RPTN: variants seen among roughly 807,000 people sequenced by gnomAD.
RPTN encodes intermediate filament-associated protein.
A neutral mutation model predicts 3.6 loss-of-function variants in RPTN; 4 were observed. The observed-to-expected ratio is 1.12, with a 90% confidence interval of 0.55 to 2.55. The LOEUF (loss-of-function observed/expected upper bound fraction) is 2.55, where lower values mean the gene tolerates loss of function less well. RPTN is among the 30% of genes most tolerant of loss of function. The pLI is 0.02. For missense variants in RPTN, 860 were observed against 916.7 expected (o/e 0.94, Z 0.80); for synonymous variants, 293 against 319.3 (o/e 0.92, Z 0.88).
Position 152,154,152 on chromosome 1 carries a change from A to C in RPTN, c.*592T>G, listed in dbSNP as rs1659143638. ...GAGGGCAAAGCAGGAAATGATTTAA[A>C]TACCCAAACTGATCAACATTAAGAT... On this transcript the variant is annotated 3_prime_UTR_variant, in exon 3 of 3. Transcript: ENST00000316073. The C allele has an allele frequency of 6.5e-6, 1 of 154,838 alleles. No individual in the cohort carries two copies. Among genetic ancestry groups the C allele is most frequent in the Admixed American group, 6.3e-5 (1 of 15,926 alleles). The allele number at this position is 154,838 out of a possible 1,614,324, so 9.6% of individuals were successfully genotyped here.
rs748960187 is a variant in RPTN at position 152,155,279 on chromosome 1, G to T, written c.1820C>A (p.Ala607Asp). 6.2e-7 allele frequency: 1 copy of T among 1,614,178 alleles called. No individual in the cohort carries two copies. Among genetic ancestry groups the T allele is most frequent in the Non-Finnish European group, 8.5e-7 (1 of 1,180,034 alleles). The change falls in exon 3 of 3, where the codon GCC becomes GAC. Residue 607 changes from alanine (A) to aspartate (D), a missense_variant. Physicochemically the swap from Ala to Asp is moderately radical, Grantham distance 126. Transcript: ENST00000316073. ...YFQGTEGTRK[A>D]SYVEQSGRSG... ...TCTTCCTGATTGTTCAACATAAGAG[G>T]CTTTTCTTGTTCCTTCAGTCCCTTG...
chr1:152,154,827 C>T lies in RPTN; in HGVS notation c.2272G>A (p.Asp758Asn). Residue 758 changes from aspartate to asparagine, a missense_variant, in exon 3 of 3, where the codon GAC (aspartate) becomes AAC (asparagine). Transcript: ENST00000316073. ...HEHEQSHQRRDRQTHEDKQNR... is the reference protein window; with the variant it reads ...HEHEQSHQRRNRQTHEDKQNR... ...TGCTTGTCTTCATGGGTTTGCCTGT[C>T]TCGTCTCTGATGGCTCTGCTCATGT... 6.2e-7 allele frequency: 1 copy of T among 1,613,780 alleles called. No homozygotes were observed. Among genetic ancestry groups the T allele is most frequent in the East Asian group, 2.2e-5 (1 of 44,862 alleles).
At position 152,155,511 on chromosome 1, in the gene RPTN, C is replaced by G. The variant is rs771163982; in HGVS notation, c.1588G>C (p.Gly530Arg). 1 of 1,608,970 alleles carries G rather than the reference C, an allele frequency of 6.2e-7. No individual in the cohort carries two copies. ...ATCTGACTGTAGTGGGAACTCTGGCCTTGTCTGTCTGGCTGACCATAGTGG... is the reference window on the plus strand; with the variant it reads ...ATCTGACTGTAGTGGGAACTCTGGCGTTGTCTGTCTGGCTGACCATAGTGG... The part of the protein sequence containing the change: ...SFHYGQPDRQ[G>R]QSSHYSQMDR... Residue 530 changes from glycine (G) to arginine (R), a missense_variant, in exon 3 of 3, where the codon GGC becomes CGC. Gly to Arg is a moderately radical substitution (Grantham distance 125). Coordinates refer to ENST00000316073, the MANE Select transcript of RPTN (RefSeq NM_001122965.1).
Position 152,157,793 on chromosome 1 carries a change from A to G in RPTN, c.97T>C (p.Leu33=). The stretch of plus-strand genomic sequence containing the variant: ...AACTCAGCCAAGAGCAGTTGTTTCA[A>G]CTCTTCCTTGCATAGTAAGGCACAG... ...GDCALLCKEE[L]KQLLLAEFGD... Residue 33 remains leucine, a synonymous_variant, in exon 2 of 3, where the codon TTG becomes CTG. Transcript: ENST00000316073. 2 of 1,613,712 alleles carry G rather than the reference A, an allele frequency of 1.2e-6. No individual in the cohort carries two copies. The highest frequency in any genetic ancestry group is 1.7e-6 in the Non-Finnish European group (2 of 1,179,900).
Position 152,157,871 on chromosome 1 carries a change from T to G in RPTN, c.19A>C (p.Ser7Arg), listed in dbSNP as rs1659238840. The G allele has an allele frequency of 6.2e-7, 1 of 1,613,878 alleles. No homozygotes were observed. The highest frequency in any genetic ancestry group is 1.1e-5 in the South Asian group (1 of 91,080). ...AATACGTCAATCACACTGAGTATGC[T>G]ATTCAGGAGTTGAGCCATTTTGACA... is the stretch of plus-strand genomic sequence containing the variant. MAQLLN[S>R]ILSVIDVFHK... Residue 7 changes from serine to arginine, a missense_variant, in exon 2 of 3, where the codon AGC (serine) becomes CGC (arginine). Coordinates refer to ENST00000316073, the MANE Select transcript of RPTN (RefSeq NM_001122965.1).
Position 152,155,296 on chromosome 1 carries a change from A to G in RPTN, c.1803T>C (p.Thr601=). 1.2e-6 allele frequency: 2 copies of G among 1,614,172 alleles called. No homozygotes were observed. Among genetic ancestry groups the G allele is most frequent in the South Asian group, 1.1e-5 (1 of 91,078 alleles). ...CATAAGAGGCTTTTCTTGTTCCTTC[A>G]GTCCCTTGGAAGTACTTATTTTGCC... ...IQGQNKYFQG[T]EGTRKASYVE... Residue 601 remains threonine, a synonymous_variant, in exon 3 of 3, where the codon ACT becomes ACC. Coordinates refer to ENST00000316073, the MANE Select transcript of RPTN (RefSeq NM_001122965.1).
At position 152,156,884 on chromosome 1, in the gene RPTN, T is replaced by C. The variant is rs763294350; in HGVS notation, c.215A>G (p.His72Arg). ...CTGGAACACCAACAAGAGGTACTCA[T>C]GAAAATCAATATGTCCATCTCGGTC... is the stretch of plus-strand genomic sequence containing the variant. ...DQDRDGHIDF[H>R]EYLLLVFQLV... The change falls in exon 3 of 3, where the codon CAT becomes CGT. Residue 72 changes from histidine to arginine, a missense_variant. Physicochemically the swap from His to Arg is conservative, Grantham distance 29. Coordinates refer to ENST00000316073, the MANE Select transcript of RPTN (RefSeq NM_001122965.1). 2.5e-6 allele frequency: 4 copies of C among 1,614,212 alleles called. No individual in the cohort carries two copies. The highest frequency in any genetic ancestry group is 1.1e-5 in the South Asian group (1 of 91,078).
Position 152,154,504 on chromosome 1 carries a change from T to C in RPTN, c.*240A>G. 1.6e-6 allele frequency: 1 copy of C among 607,990 alleles called. No homozygotes were observed. The highest frequency in any genetic ancestry group is 2.9e-5 in the East Asian group (1 of 34,912). 37.7% of individuals were successfully genotyped at this position (607,990 alleles called of 1,614,324 possible). On this transcript the variant is annotated 3_prime_UTR_variant, in exon 3 of 3. Transcript: ENST00000316073. ...CTCCCTTGGCAGGGTGACCACGCTG[T>C]TCTCTGGTTTGGGGCCTCCCACTGC...
chr1:152,155,956 C>T lies in RPTN; in HGVS notation c.1143G>A (p.Gln381=). The T allele has an allele frequency of 6.2e-7, 1 of 1,614,000 alleles. No individual in the cohort carries two copies. ...NRQGQSSHYG[Q]PDTQDQSSHY... is the part of the protein sequence containing the mutation. Reference sequence around the variant, plus strand: ...GAGAACTCTGATCTTGTGTGTCTGGCTGACCATAGTGGGAACTCTGACCTT... The same window carrying T: ...GAGAACTCTGATCTTGTGTGTCTGGTTGACCATAGTGGGAACTCTGACCTT... Residue 381 remains glutamine, a synonymous_variant, in exon 3 of 3, where the codon CAG becomes CAA. Coordinates refer to ENST00000316073, the MANE Select transcript of RPTN (RefSeq NM_001122965.1).
Position 152,156,520 on chromosome 1 carries a change from G to C in RPTN, c.579C>G (p.Ser193Arg), listed in dbSNP as rs1171027593. The C allele has an allele frequency of 6.2e-7, 1 of 1,614,204 alleles. No individual in the cohort carries two copies. ...NQSERQDKDFSFDQSERQSQD... is the reference protein window; with the variant it reads ...NQSERQDKDFRFDQSERQSQD... ...GACTTTGTCTCTCTGACTGATCAAA[G>C]CTGAAATCCTTGTCTTGTCTCTCAG... Residue 193 changes from serine to arginine, a missense_variant, in exon 3 of 3, where the codon AGC becomes AGG. Transcript: ENST00000316073.
chr1:152,156,288 A>G lies in RPTN; in HGVS notation c.811T>C (p.Cys271Arg), dbSNP rs1288322683. The G allele has an allele frequency of 8.7e-6, 14 of 1,614,122 alleles. No homozygotes were observed. The highest frequency in any genetic ancestry group is 1.2e-5 in the Non-Finnish European group (14 of 1,180,052). ...QTNQQKSGSYCGQSERLGQEL... is the reference protein window; with the variant it reads ...QTNQQKSGSYRGQSERLGQEL... Reference sequence around the variant, plus strand: ...TGACCTAGCCTCTCAGACTGTCCACAATAAGAGCCTGATTTCTGTTGATTT... The same window carrying G: ...TGACCTAGCCTCTCAGACTGTCCACGATAAGAGCCTGATTTCTGTTGATTT... The change falls in exon 3 of 3, where the codon TGT becomes CGT. Residue 271 changes from cysteine (C) to arginine (R), a missense_variant. Physicochemically the swap from Cys to Arg is radical, Grantham distance 180. Transcript: ENST00000316073.
At position 152,157,851 on chromosome 1, in the gene RPTN, G is replaced by C; in HGVS notation, c.39C>G (p.Asp13Glu). 6.2e-7 allele frequency: 1 copy of C among 1,613,782 alleles called. No homozygotes were observed. The highest frequency in any genetic ancestry group is 1.3e-5 in the African/African-American group (1 of 75,000). The part of the protein sequence containing the change: ...QLLNSILSVI[D>E]VFHKYAKGNG... ...TCCCTTTGGCATATTTGTGGAATAC[G>C]TCAATCACACTGAGTATGCTATTCA... Residue 13 changes from aspartate to glutamate, a missense_variant, in exon 2 of 3, where the codon GAC becomes GAG. By Grantham distance (45) the Asp-to-Glu change is conservative. Coordinates refer to ENST00000316073, the MANE Select transcript of RPTN (RefSeq NM_001122965.1).
Position 152,157,857 on chromosome 1 carries a change from CACA to C in RPTN, c.30_32del (p.Ser10_Val11delinsArg). 2 of 1,613,896 alleles carry C rather than the reference CACA, an allele frequency of 1.2e-6. No homozygotes were observed. The highest frequency in any genetic ancestry group is 1.7e-6 in the Non-Finnish European group (2 of 1,179,856). On this transcript the variant is annotated inframe_deletion, in exon 2 of 3. Transcript: ENST00000316073. ...TGGCATATTTGTGGAATACGTCAAT[CACA>C]CTGAGTATGCTATTCAGGAGTTGAG...
chr1:152,155,882 G>C lies in RPTN; in HGVS notation c.1217C>G (p.Thr406Arg). ...GTGGGAACTCTGGCCTTGTCTCTCTGTCTGACCATAGTGAGAACTTTGGTC... is the reference window on the plus strand; with the variant it reads ...GTGGGAACTCTGGCCTTGTCTCTCTCTCTGACCATAGTGAGAACTTTGGTC... ...RQDQSSHYGQ[T>R]ERQGQSSHYS... Residue 406 changes from threonine (T) to arginine (R), a missense_variant, in exon 3 of 3, where the codon ACA becomes AGA. Transcript: ENST00000316073. 1 of 1,613,762 alleles carries C rather than the reference G, an allele frequency of 6.2e-7. No homozygotes were observed. Among genetic ancestry groups the C allele is most frequent in the Non-Finnish European group, 8.5e-7 (1 of 1,179,972 alleles).
At chr1:152,157,078 C>T (rs1659220821) in intron 2 of RPTN, 118 bp from the exon 3 acceptor site, 3 of 857,978 alleles carry the variant, frequency 3.5e-6, no homozygotes, top group Non-Finnish European at 5.4e-6. Flanking sequence ...GGTTGAAAAA[C>T]CATTAATCTG....
In RPTN at chr1:152,155,344, T is replaced by C. The variant is rs374552571; in HGVS notation, c.1755A>G (p.Gln585=). 6.2e-6 allele frequency: 10 copies of C among 1,614,136 alleles called. No homozygotes were observed. In the East Asian group the frequency reaches 1.1e-4, roughly 18 times the overall value. ...GCCCTTGTATTTCCCCAGTCTGTGA[T>C]TGAATATAGTGGGAACTCTGGCCTT... is the stretch of plus-strand genomic sequence containing the variant. ...DRQGQSSHYI[Q]SQTGEIQGQN... Residue 585 remains glutamine, a synonymous_variant, in exon 3 of 3, where the codon CAA becomes CAG. Transcript: ENST00000316073.
chr1:152,154,392 G>T lies in RPTN; in HGVS notation c.*352C>A. On this transcript the variant is annotated 3_prime_UTR_variant, in exon 3 of 3. Transcript: ENST00000316073. Reference sequence around the variant, plus strand: ...ATATAGGTTTCTTTTTTGGCTTTGTGTTGCTTTACCTCTGGTGCTCACATA... The same window carrying T: ...ATATAGGTTTCTTTTTTGGCTTTGTTTTGCTTTACCTCTGGTGCTCACATA... 3.3e-6 allele frequency: 1 copy of T among 304,040 alleles called. No individual in the cohort carries two copies. Among genetic ancestry groups the T allele is most frequent in the Non-Finnish European group, 6.0e-6 (1 of 165,670 alleles). 18.8% of individuals were successfully genotyped at this position (304,040 alleles called of 1,614,324 possible). A position where few individuals can be genotyped will look rare whatever the true frequency, so the allele number is the denominator to read the frequency against.
chr1:152,156,171 T>G lies in RPTN; in HGVS notation c.928A>C (p.Thr310Pro), dbSNP rs1422378076. ...TGGGAACTCTGGCCTTGTCTGTCTGTCTGACCATAATGATAACTCTGGTCT... is the reference window on the plus strand; with the variant it reads ...TGGGAACTCTGGCCTTGTCTGTCTGGCTGACCATAATGATAACTCTGGTCT... ...RQDQSYHYGQ[T>P]DRQGQSSHYS... Residue 310 changes from threonine to proline, a missense_variant, in exon 3 of 3, where the codon ACA becomes CCA. Thr to Pro is a conservative substitution (Grantham distance 38, BLOSUM62 -1). Coordinates refer to ENST00000316073, the MANE Select transcript of RPTN (RefSeq NM_001122965.1). 6.2e-7 allele frequency: 1 copy of G among 1,613,670 alleles called. No homozygotes were observed. Among genetic ancestry groups the G allele is most frequent in the South Asian group, 1.1e-5 (1 of 91,016 alleles).
Position 152,156,890 on chromosome 1 carries a change from T to G in RPTN, c.209A>C (p.Asp70Ala), listed in dbSNP as rs1215323292. 6.2e-7 allele frequency: 1 copy of G among 1,614,132 alleles called. No individual in the cohort carries two copies. The highest frequency in any genetic ancestry group is 1.3e-5 in the African/African-American group (1 of 75,024). ...LLDQDRDGHI[D>A]FHEYLLLVFQ... is the part of the protein sequence containing the mutation. The stretch of plus-strand genomic sequence containing the variant: ...CACCAACAAGAGGTACTCATGAAAA[T>G]CAATATGTCCATCTCGGTCTTGATC... Residue 70 changes from aspartate to alanine, a missense_variant, in exon 3 of 3, where the codon GAT (aspartate) becomes GCT (alanine). Asp to Ala is a moderately radical substitution (Grantham distance 126). Transcript: ENST00000316073.
Sources: allele counts gnomAD v4.1 joint callset, GRCh38; gene constraint gnomAD v4.1.1; transcripts MANE v1.5; gene names NCBI Gene and HGNC (gene_info 2026-07-23, HGNC 2026-07-21).